The following MAP3K15 variants were observed in gnomAD, a reference collection of about 807,000 sequenced individuals.
The protein encoded by MAP3K15 is mitogen-activated protein kinase kinase kinase 15, also known as MAPK/ERK kinase kinase 15.
Under a neutral mutation model 99.5 loss-of-function variants are expected in MAP3K15, and 124 were observed. That is an observed-to-expected ratio of 1.25 (90% confidence interval 1.08 to 1.45). MAP3K15 has a LOEUF of 1.45. Ranked by LOEUF, MAP3K15 falls within the 40% of genes most tolerant of loss-of-function variation. The probability of loss-of-function intolerance (pLI) is 0.00; values close to 1 mark genes in which losing one functional copy is unlikely to be tolerated. For synonymous variants in MAP3K15, 494 were observed against 439.6 expected (o/e 1.12, Z -1.55); for missense variants, 1,242 against 1,079.7 (o/e 1.15, Z -2.11).
At chrX:19,491,987 CTTT>C (rs534024822) in intron 1 of MAP3K15, among the ~76,000 whole-genome samples, 2 of 97,409 alleles carry the variant, frequency 2.1e-5, no homozygotes, top group African/African-American at 3.7e-5. Flanking sequence ...CACCTGGCTA[CTTT>C]TTTTTTTTTT....
intron 3 of MAP3K15, among the ~76,000 whole-genome samples, chrX:19,476,284 T>C (rs1274709209): frequency 8.9e-6 from 1 of 112,173 alleles, no homozygotes; most frequent in Non-Finnish European, 1.9e-5. Flanking sequence ...ACATCTCAAC[T>C]GGTGGCACAA....
intron 6 of MAP3K15, among the ~76,000 whole-genome samples, chrX:19,433,943 G>A (rs1007395379): frequency 1.5e-4 from 17 of 111,084 alleles, no homozygotes; most frequent in Admixed American, 7.7e-4. Context: ...ACAGAATAAC[G>A]TAATCATTAT....
At chrX:19,394,276 C>A (rs1374811714) in intron 16 of MAP3K15, among the ~76,000 whole-genome samples, 4 of 111,367 alleles carry the variant, frequency 3.6e-5, no homozygotes, top group African/African-American at 1.3e-4. Flanking sequence ...CAGAATCCAC[C>A]CAACAGCCCA....
At chrX:19,511,092 G>T (rs745711543) in intron 1 of MAP3K15, among the ~76,000 whole-genome samples, 2 of 111,761 alleles carry the variant, frequency 1.8e-5, no homozygotes, top group African/African-American at 6.5e-5. Flanking sequence ...TTTAATAAAT[G>T]GTGCTGGGAA....
Position 19,415,199 on chromosome X carries a change from T to A in MAP3K15, c.1498A>T (p.Ile500Phe). 8.5e-7 allele frequency: 1 copy of A among 1,180,477 alleles called. No individual in the cohort carries two copies. The highest frequency in any genetic ancestry group is 1.9e-5 in the South Asian group (1 of 53,647). Residue 500 changes from isoleucine to phenylalanine, a missense_variant, in exon 10 of 29, where the codon ATT becomes TTT. Ile to Phe is a conservative substitution (Grantham distance 21). Transcript: ENST00000338883. ...LLIRRFKKTI[I>F]EHSPRQERLN... ...CGCTCTTGCCTGGGCGAGTGTTCAA[T>A]AATGGTTTTCTTGAAGCGCCGAATT...
chrX:19,490,553 G>C (rs1003357629), intron 1 of MAP3K15, among the ~76,000 whole-genome samples: 7 of 110,378 alleles, frequency 6.3e-5, no homozygotes, highest in African/African-American at 2.3e-4. Flanking sequence ...TTCAAGACCA[G>C]CCTGGACAAC....
chrX:19,450,522 T>C (rs903300239), intron 6 of MAP3K15, among the ~76,000 whole-genome samples: 1 of 110,414 alleles, frequency 9.1e-6, no homozygotes, highest in Admixed American at 9.5e-5. Flanking sequence ...CACTTGTTTG[T>C]ATAAGTTCAG....
chrX:19,452,509 G>C (rs571434804), intron 6 of MAP3K15, among the ~76,000 whole-genome samples: 1 of 112,001 alleles, frequency 8.9e-6, no homozygotes, highest in East Asian at 2.8e-4. Context: ...CAAAAGAATT[G>C]GAAGCAGGGT....
At position 19,415,088 on chromosome X, in the gene MAP3K15, T is replaced by C; in HGVS notation, c.1590+19A>G. 9.0e-7 allele frequency: 1 copy of C among 1,113,112 alleles called. No homozygotes were observed. Among genetic ancestry groups the C allele is most frequent in the Admixed American group, 3.4e-5 (1 of 29,575 alleles). 91.7% of individuals were successfully genotyped at this position (1,113,112 alleles called of 1,213,427 possible). On this transcript the variant is annotated intron_variant, in intron 10 of 28. Coordinates refer to ENST00000338883, the MANE Select transcript of MAP3K15 (RefSeq NM_001001671.4). ...TTTTTTTCCTAATCTTAAAAAAAAA[T>C]GGATTTAGCATATCTTACTGGAAAT...
chrX:19,489,048 G>GATGAAGTAGACAGATCATCTCCCCTAATC, intron 1 of MAP3K15, 81 bp from the exon 2 acceptor site: 16 of 917,509 alleles, frequency 1.7e-5, no homozygotes, highest in East Asian at 3.2e-5. Flanking sequence ...CCAGTGAGGA[G>GATGAAGTAGACAGATCATCTCCCCTAATC]CTATAGCAAT....
At chrX:19,487,177 G>A (rs2064333955) in intron 2 of MAP3K15, among the ~76,000 whole-genome samples, 1 of 109,608 alleles carries the variant, frequency 9.1e-6, no homozygotes, top group East Asian at 2.9e-4. Flanking sequence ...CAGCTGCCCT[G>A]TAAAACATGT....
At chrX:19,456,558 A>G (rs1345923736) in intron 6 of MAP3K15, among the ~76,000 whole-genome samples, 1 of 112,234 alleles carries the variant, frequency 8.9e-6, no homozygotes, top group Admixed American at 9.5e-5. Context: ...TTCCATGTGT[A>G]TAGCCAATTA....
At chrX:19,411,112 A>T (rs746898053) in intron 11 of MAP3K15, among the ~76,000 whole-genome samples, 4 of 109,657 alleles carry the variant, frequency 3.6e-5, no homozygotes, top group South Asian at 8.0e-4. Flanking sequence ...TGAACCTGGG[A>T]GGCAGAGGTT....
At chrX:19,439,615 C>T (rs1569225907) in intron 6 of MAP3K15, among the ~76,000 whole-genome samples, 1 of 111,105 alleles carries the variant, frequency 9.0e-6, no homozygotes, top group Non-Finnish European at 1.9e-5. Context: ...TATAGGCGTA[C>T]ACCACCAAGG....
chrX:19,377,790 GC>G (rs1255478278), intron 19 of MAP3K15, among the ~76,000 whole-genome samples: 1 of 111,916 alleles, frequency 8.9e-6, no homozygotes, highest in Non-Finnish European at 1.9e-5. Context: ...ATCTACAACG[GC>G]CCCAACAGGG....
At chrX:19,366,458 G>GTAGCTCCCATAATTCCCT (rs2063335600) in intron 25 of MAP3K15, among the ~76,000 whole-genome samples, 1 of 111,839 alleles carries the variant, frequency 8.9e-6, no homozygotes. Flanking sequence ...ATCTTGAACT[G>GTAGCTCCCATAATTCCCT]TAGCTCCCAT....
intron 1 of MAP3K15, among the ~76,000 whole-genome samples, chrX:19,493,346 CAAA>C (rs755083263): frequency 4.1e-5 from 2 of 49,161 alleles, no homozygotes; most frequent in African/African-American, 7.5e-5. Context: ...TACTGCTACT[CAAA>C]AAAAAAAAAA....
intron 3 of MAP3K15, among the ~76,000 whole-genome samples, chrX:19,476,214 T>C (rs947583029): frequency 6.2e-5 from 7 of 112,049 alleles, no homozygotes; most frequent in Non-Finnish European, 9.4e-5. Flanking sequence ...CTAAGGCAGA[T>C]AGAAAGCCAC....
At chrX:19,490,174 CACACACACACATACATACAA>C (rs1390144759) in intron 1 of MAP3K15, among the ~76,000 whole-genome samples, 1 of 106,555 alleles carries the variant, frequency 9.4e-6, no homozygotes, top group African/African-American at 3.6e-5. Flanking sequence ...CACACACACA[CACACACACACATACATACAA>C]AAATTCCTTA....
Sources: gnomAD v4.1 joint callset for allele counts (sites outside exome capture counted in the v4.1 genomes callset) on GRCh38, gnomAD v4.1.1 for gene constraint, MANE v1.5 for transcripts, NCBI Gene and HGNC (gene_info 2026-07-23, HGNC 2026-07-21) for gene names.